The following PGAP2 variants were observed in gnomAD, a reference collection of about 807,000 sequenced individuals.
PGAP2 encodes the protein post-GPI attachment to proteins 2.
In PGAP2, 21 loss-of-function variants were observed where a neutral mutation model predicts 33.2. The ratio of observed to expected loss-of-function variants is 0.63; its 90% confidence interval spans 0.45 to 0.91. The LOEUF is 0.91. Among genes scored for constraint, PGAP2 ranks in the 40% least tolerant of loss-of-function variants. PGAP2 has a pLI of 0.00. For missense variants in PGAP2, 345 were observed against 424.0 expected (o/e 0.81, Z 1.64); for synonymous variants, 161 against 172.9 (o/e 0.93, Z 0.54).
intron 2 of PGAP2, chr11:3,816,060 T>G (rs758049326): frequency 2.0e-5 from 3 of 152,550 alleles, no homozygotes; most frequent in African/African-American, 2.4e-5. Context: ...TTCTTCCCTT[T>G]GCAGAGTGTT....
upstream of PGAP2, chr11:3,808,496 C>T (rs2084868312): frequency 7.1e-7 from 1 of 1,410,014 alleles, no homozygotes; most frequent in Non-Finnish European, 9.3e-7. Flanking sequence ...GAGGAGCCAG[C>T]GGAGGATCTG....
At chr11:3,798,021 G>C (rs2082806845) in intron 1 of PGAP2, 5 of 1,537,392 alleles carry the variant, frequency 3.3e-6, no homozygotes, top group African/African-American at 1.4e-5. Context: ...GTCCGCCGGC[G>C]CTGCTGGGAA....
At chr11:3,818,164 A>C (rs1215621687) in intron 3 of PGAP2, among the ~76,000 whole-genome samples, 26 of 151,770 alleles carry the variant, frequency 1.7e-4, no homozygotes, top group Admixed American at 1.7e-3. Flanking sequence ...GGAGTTTGAG[A>C]CCAGCCTGGC....
chr11:3,816,612 T>G (rs2087080880), intron 2 of PGAP2, among the ~76,000 whole-genome samples: 1 of 151,976 alleles, frequency 6.6e-6, no homozygotes, highest in African/African-American at 2.4e-5. Context: ...TGACATTGCA[T>G]CTCCTCAGAG....
At chr11:3,808,322 CGA>C (rs1564988232), upstream of PGAP2, 1 of 1,551,408 alleles carries the variant, frequency 6.4e-7, no homozygotes, top group South Asian at 1.2e-5. Context: ...AGAGGTAAGG[CGA>C]CAAGGTGGCT....
chr11:3,801,363 C>A (rs949456512), intron 1 of PGAP2, among the ~76,000 whole-genome samples: 4 of 152,138 alleles, frequency 2.6e-5, no homozygotes, highest in Non-Finnish European at 5.9e-5. Flanking sequence ...TGTATCCCAG[C>A]CGGGCATGGT....
intron 3 of PGAP2, among the ~76,000 whole-genome samples, chr11:3,818,945 G>A (rs1419555973): frequency 6.6e-6 from 1 of 152,200 alleles, no homozygotes; most frequent in East Asian, 1.9e-4. Flanking sequence ...AAGGCTCTTT[G>A]TGAATGCCAG....
chr11:3,818,077 AG>A (rs2087563104), intron 3 of PGAP2: 1 of 305,790 alleles, frequency 3.3e-6, no homozygotes, highest in Non-Finnish European at 6.4e-6. Flanking sequence ...AAAAAAAAAC[AG>A]CAGGCTGTGC....
chr11:3,797,898 A>G (rs1050466264), exon 1 of PGAP2: 2 of 1,548,870 alleles, frequency 1.3e-6, no homozygotes, highest in African/African-American at 1.4e-5. Context: ...GACGCAACAT[A>G]GAGACTCCGC....
intron 1 of PGAP2, among the ~76,000 whole-genome samples, chr11:3,799,511 A>G (rs905704171): frequency 6.6e-6 from 1 of 152,182 alleles, no homozygotes; most frequent in Non-Finnish European, 1.5e-5. Flanking sequence ...ACTGCGCTCC[A>G]GAGTGATCTC....
Position 3,825,554 on chromosome 11 carries a change from C to T in PGAP2, c.*96C>T. The T allele has an allele frequency of 7.6e-7, 1 of 1,322,266 alleles. No homozygotes were observed. The highest frequency in any genetic ancestry group is 1.0e-6 in the Non-Finnish European group (1 of 958,518). The allele number at this position is 1,322,266 out of a possible 1,614,324, so 81.9% of individuals were successfully genotyped here. A position where few individuals can be genotyped will look rare whatever the true frequency, so the allele number is the denominator to read the frequency against. On this transcript the variant is annotated 3_prime_UTR_variant, in exon 7 of 7. Transcript: ENST00000278243. ...TCCCCACCCCACATCCTCTCTTGGC[C>T]TTACTGAAGATGGGGGAAGGGTAAG...
chr11:3,801,535 G>A (rs562165632), intron 1 of PGAP2, among the ~76,000 whole-genome samples: 5 of 151,832 alleles, frequency 3.3e-5, no homozygotes, highest in Admixed American at 6.6e-5. Flanking sequence ...CCAGCTATTC[G>A]GGAGGCTGAG....
At chr11:3,809,995 G>A (rs2085217340) in intron 1 of PGAP2, among the ~76,000 whole-genome samples, 1 of 152,218 alleles carries the variant, frequency 6.6e-6, no homozygotes, top group Admixed American at 6.5e-5. Context: ...GATTTGACAA[G>A]GTCTTTGAGC....
At chr11:3,813,445 A>T (rs930419950) in intron 2 of PGAP2, among the ~76,000 whole-genome samples, 2 of 151,948 alleles carry the variant, frequency 1.3e-5, no homozygotes, top group African/African-American at 4.8e-5. Flanking sequence ...GTGCAGTGGC[A>T]TGATCATAGC....
chr11:3,809,537 T>G (rs2085112748), intron 1 of PGAP2, among the ~76,000 whole-genome samples: 1 of 152,164 alleles, frequency 6.6e-6, no homozygotes, highest in Admixed American at 6.5e-5. Context: ...GATCTAGTCT[T>G]CAATTTGGGA....
rs552295730 is a variant in PGAP2, at chr11:3,800,777, A to G, written c.139+2795A>G. ...CAGTGAGCTGAGATCGAGCCACTGCACTCGATCCTGGGCCACAGAGTGAGA... is the reference window on the plus strand; with the variant it reads ...CAGTGAGCTGAGATCGAGCCACTGCGCTCGATCCTGGGCCACAGAGTGAGA... On this transcript the variant is annotated intron_variant, in intron 1 of 6. Coordinates refer to the PGAP2 transcript ENST00000300730. 4.2e-3 allele frequency among the ~76,000 whole-genome samples: 592 copies of G among 141,446 alleles called. 4 individuals are homozygous for G. Among genetic ancestry groups the G allele is most frequent in the African/African-American group, 0.015 (562 of 36,844 alleles). 92.8% of individuals were successfully genotyped at this position (141,446 alleles called of 152,430 possible). A position where few individuals can be genotyped will look rare whatever the true frequency, so the allele number is the denominator to read the frequency against.
intron 3 of PGAP2, among the ~76,000 whole-genome samples, chr11:3,823,301 G>T (rs1476689959): frequency 1.3e-5 from 2 of 151,982 alleles, no homozygotes; most frequent in Non-Finnish European, 2.9e-5. Context: ...CTCCCAAAGT[G>T]CTGGGATTAC....
At chr11:3,807,165 G>A (rs913976566), upstream of PGAP2, among the ~76,000 whole-genome samples, 3 of 150,276 alleles carry the variant, frequency 2.0e-5, no homozygotes, top group Non-Finnish European at 4.4e-5. Context: ...GCAAAACCTC[G>A]CCTCTACTAA....
chr11:3,797,857 G>A (rs1369184571), exon 1 of PGAP2: 2 of 1,550,484 alleles, frequency 1.3e-6, no homozygotes, highest in African/African-American at 2.7e-5. Flanking sequence ...GCTAGATTGG[G>A]AAGCACCGGC....
Sources: allele counts gnomAD v4.1 joint callset (sites outside exome capture counted in the v4.1 genomes callset), GRCh38; gene constraint gnomAD v4.1.1; transcripts MANE v1.5; gene names NCBI Gene and HGNC (gene_info 2026-07-23, HGNC 2026-07-21).